The following ZNF625 variants were observed in gnomAD, a reference collection of about 807,000 sequenced individuals.
ZNF625 encodes the protein zinc finger protein 625.
A neutral mutation model predicts 11.1 loss-of-function variants in ZNF625; 8 were observed. The ratio of observed to expected loss-of-function variants is 0.72; its 90% CI spans 0.42 to 1.30. The LOEUF is 1.30. ZNF625 is among the 50% of genes most tolerant of loss of function. The pLI is 0.01. For missense variants in ZNF625, 349 were observed against 447.6 expected, an observed-to-expected ratio of 0.78 and a Z score of 1.99; for synonymous variants, 145 against 153.4, an observed-to-expected ratio of 0.95 and a Z score of 0.41.
intron 1 of ZNF625, among the ~76,000 whole-genome samples, 164 bp from the exon 2 acceptor site, chr19:12,147,966 A>G (rs1313452647): frequency 1.3e-5 from 2 of 152,044 alleles, no homozygotes; most frequent in Non-Finnish European, 2.9e-5. Flanking sequence ...TTCCATAAAG[A>G]AATTCTTTTT....
chr19:12,156,502 C>A, intron 1 of ZNF625, 54 bp downstream of exon 1: 1 of 1,390,318 alleles, frequency 7.2e-7, no homozygotes, highest in Non-Finnish European at 9.4e-7. Flanking sequence ...CCGGTTCGAG[C>A]CGGTTCCTCC....
Position 12,145,838 on chromosome 19 carries a change from C to T in ZNF625, c.578G>A (p.Cys193Tyr), listed in dbSNP as rs1976862773. 1 of 1,614,218 alleles carries T rather than the reference C, an allele frequency of 6.2e-7. No homozygotes were observed. The highest frequency in any genetic ancestry group is 8.5e-7 in the Non-Finnish European group (1 of 1,180,042). Residue 193 changes from cysteine to tyrosine, a missense_variant, in exon 4 of 4, where the codon TGT becomes TAT. Physicochemically the swap from Cys to Tyr is radical, Grantham distance 194. Coordinates refer to ENST00000439556, the MANE Select transcript of ZNF625 (RefSeq NM_145233.4). The part of the protein sequence containing the change: ...IMHSGDGPYK[C>Y]NFCGKALMCL... ...CATCAAGGCTTTCCCACAAAAGTTA[C>T]ATTTGTAGGGTCCATCTCCACTGTG... is the stretch of plus-strand genomic sequence containing the variant.
At chr19:12,147,887 G>A (rs1466985758) in intron 1 of ZNF625, 85 bp from the exon 2 acceptor site, 3 of 1,521,130 alleles carry the variant, frequency 2.0e-6, no homozygotes, top group African/African-American at 1.4e-5. Context: ...AGTTTCCATG[G>A]TGCTATGGAC....
At position 12,156,376 on chromosome 19, in the gene ZNF625, C is replaced by T. The variant is rs893992472; in HGVS notation, c.3+180G>A. 1.8e-3 allele frequency among the ~76,000 whole-genome samples: 280 copies of T among 152,326 alleles called. 1 individual carries two copies. Among genetic ancestry groups the T allele is most frequent in the Non-Finnish European group, 3.1e-3 (214 of 68,022 alleles). Reference sequence around the variant, plus strand: ...GAGACGGGACAGGACGCCTGGGGTCCCGGCTGCCGGCCCAACCCCACCCTG... The same window carrying T: ...GAGACGGGACAGGACGCCTGGGGTCTCGGCTGCCGGCCCAACCCCACCCTG... On this transcript the variant is annotated intron_variant, in intron 1 of 3. Coordinates refer to ENST00000439556, the MANE Select transcript of ZNF625 (RefSeq NM_145233.4).
chr19:12,154,564 G>C lies in ZNF625; in HGVS notation c.3+1992C>G, dbSNP rs371232583. 1.2e-3 allele frequency among the ~76,000 whole-genome samples: 179 copies of C among 152,162 alleles called. 5 individuals are homozygous for C. In the South Asian group the frequency reaches 0.034, roughly 29 times the overall value. ...CCTAGAGTCTGTATTTTCTTGAATG[G>C]CAATTCTCAGATTTTCACTTAAATA... On this transcript the variant is annotated intron_variant, in intron 1 of 3. Coordinates refer to ENST00000439556, the MANE Select transcript of ZNF625 (RefSeq NM_145233.4).
At chr19:12,151,514 G>A (rs1382012125) in intron 1 of ZNF625, among the ~76,000 whole-genome samples, 3 of 151,618 alleles carry the variant, frequency 2.0e-5, no homozygotes, top group Admixed American at 6.6e-5. Context: ...CCGAGTAGCT[G>A]GGACTACAGG....
In ZNF625 at chr19:12,145,428, G is replaced by T. The variant is rs1181977597; in HGVS notation, c.988C>A (p.Pro330Thr). The change falls in exon 4 of 4, where the codon CCC (proline) becomes ACC (threonine). Residue 330 changes from proline to threonine, a missense_variant. Pro to Thr is a conservative substitution (Grantham distance 38, BLOSUM62 -1). Coordinates refer to ENST00000439556, the MANE Select transcript of ZNF625 (RefSeq NM_145233.4). ...TTACCACATTGTTTACATTCATAGG[G>T]TTTCTCTCCAGTGTGAGTCCTTCCA... is the stretch of plus-strand genomic sequence containing the variant. ...THGRTHTGEKPYECKQCGKAF... is the reference protein window; with the variant it reads ...THGRTHTGEKTYECKQCGKAF... The T allele has an allele frequency of 5.6e-6, 9 of 1,614,062 alleles. No homozygotes were observed. The highest frequency in any genetic ancestry group is 1.7e-5 in the Admixed American group (1 of 59,992).
intron 3 of ZNF625, among the ~76,000 whole-genome samples, chr19:12,146,970 ATT>A (rs934558893): frequency 7.6e-6 from 1 of 130,824 alleles, no homozygotes; most frequent in Non-Finnish European, 1.6e-5. Context: ...GTTTTTAGAG[ATT>A]TTTTTTTTTT....
Position 12,156,415 on chromosome 19 carries a change from C to G in ZNF625, c.3+141G>C, listed in dbSNP as rs901463257. 2.2e-4 allele frequency: 133 copies of G among 614,928 alleles called. No homozygotes were observed. In the African/African-American group the frequency reaches 2.3e-3, roughly 11 times the overall value. The allele number at this position is 614,928 out of a possible 1,614,324, so 38.1% of individuals were successfully genotyped here. A position where few individuals can be genotyped will look rare whatever the true frequency, so the allele number is the denominator to read the frequency against. ...AACCCCACCCTGCGGCCGAAGGGACCGAGGGCCGAGCTACGCCAGGGGGAC... is the reference window on the plus strand; with the variant it reads ...AACCCCACCCTGCGGCCGAAGGGACGGAGGGCCGAGCTACGCCAGGGGGAC... On this transcript the variant is annotated intron_variant, in intron 1 of 3. Transcript: ENST00000439556.
Position 12,145,559 on chromosome 19 carries a change from G to C in ZNF625, c.857C>G (p.Ser286Cys). 1 of 1,607,720 alleles carries C rather than the reference G, an allele frequency of 6.2e-7. No homozygotes were observed. Among genetic ancestry groups the C allele is most frequent in the Non-Finnish European group, 8.5e-7 (1 of 1,174,588 alleles). ...ECKQCGKAFV[S>C]FNSVRYHERT... ...TTCATGATATCGAACGGAATTGAAA[G>C]AAACAAAGGCTTTCCCACACTGTTT... is the stretch of plus-strand genomic sequence containing the variant. The change falls in exon 4 of 4, where the codon TCT (serine) becomes TGT (cysteine). Residue 286 changes from serine to cysteine, a missense_variant. Ser to Cys is a moderately radical substitution (Grantham distance 112, BLOSUM62 -1). Transcript: ENST00000439556.
At chr19:12,156,008 C>A (rs1360027457) in intron 1 of ZNF625, among the ~76,000 whole-genome samples, 1 of 152,080 alleles carries the variant, frequency 6.6e-6, no homozygotes, top group Non-Finnish European at 1.5e-5. Flanking sequence ...CGGCACCACG[C>A]CCGGCTCATT....
intron 1 of ZNF625, among the ~76,000 whole-genome samples, chr19:12,153,186 A>G (rs1011104753): frequency 1.3e-5 from 2 of 151,624 alleles, no homozygotes; most frequent in Non-Finnish European, 2.9e-5. Flanking sequence ...ACCCGTCTCT[A>G]CTAAAAATAC....
intron 1 of ZNF625, among the ~76,000 whole-genome samples, chr19:12,153,941 G>A (rs1359464891): frequency 2.0e-5 from 3 of 150,292 alleles, no homozygotes; most frequent in Middle Eastern, 3.3e-3. Context: ...CCGAGTAGCT[G>A]GGACTACAGG....
chr19:12,152,202 C>T (rs942543862), intron 1 of ZNF625, among the ~76,000 whole-genome samples: 5 of 151,984 alleles, frequency 3.3e-5, no homozygotes, highest in African/African-American at 1.2e-4. Context: ...CATAACTAAA[C>T]CATATACTGT....
intron 3 of ZNF625, among the ~76,000 whole-genome samples, chr19:12,146,752 T>C (rs1034723374): frequency 2.0e-5 from 3 of 152,180 alleles, no homozygotes; most frequent in Admixed American, 1.3e-4. Flanking sequence ...TCAGGTAAAC[T>C]ATTTTACAAG....
chr19:12,145,305 T>A lies in ZNF625; in HGVS notation c.1111A>T (p.Ile371Phe). The part of the protein sequence containing the change: ...SNTSKGQGEK[I>F]A Reference sequence around the variant, plus strand: ...TAGGAATCTTATGTGAATTAAGCAATCTTCTCGCCTTGGCCTTTCGAAGTG... The same window carrying A: ...TAGGAATCTTATGTGAATTAAGCAAACTTCTCGCCTTGGCCTTTCGAAGTG... Residue 371 changes from isoleucine (I) to phenylalanine (F), a missense_variant, in exon 4 of 4, where the codon ATT becomes TTT. Ile to Phe is a conservative substitution (Grantham distance 21, BLOSUM62 0). Transcript: ENST00000439556. The A allele has an allele frequency of 6.2e-7, 1 of 1,600,010 alleles. No homozygotes were observed. The highest frequency in any genetic ancestry group is 1.1e-5 in the South Asian group (1 of 89,194).
Position 12,145,461 on chromosome 19 carries a change from G to C in ZNF625, c.955C>G (p.Arg319Gly), listed in dbSNP as rs771178831. 6 of 1,614,104 alleles carry C rather than the reference G, an allele frequency of 3.7e-6. No individual in the cohort carries two copies. The highest frequency in any genetic ancestry group is 5.1e-6 in the Non-Finnish European group (6 of 1,180,036). ...CCAGTGTGAGTCCTTCCATGTGTTCGAAGGTGCGAGGCAGATCTGAAGGCT... is the reference window on the plus strand; with the variant it reads ...CCAGTGTGAGTCCTTCCATGTGTTCCAAGGTGCGAGGCAGATCTGAAGGCT... Reference protein sequence around the residue: ...GKAFRSASHLRTHGRTHTGEK... With the variant: ...GKAFRSASHLGTHGRTHTGEK... Residue 319 changes from arginine to glycine, a missense_variant, in exon 4 of 4, where the codon CGA (arginine) becomes GGA (glycine). Transcript: ENST00000439556.
In ZNF625 at chr19:12,156,491, G is replaced by A. The variant is rs1231954801; in HGVS notation, c.3+65C>T. 27 of 1,346,682 alleles carry A rather than the reference G, an allele frequency of 2.0e-5. 1 individual carries two copies. The highest frequency in any genetic ancestry group is 2.2e-5 in the Non-Finnish European group (23 of 1,035,232). 83.4% of individuals were successfully genotyped at this position (1,346,682 alleles called of 1,614,324 possible). ...GCAGGAAGGCCTGGGTCCTGCTAGA[G>A]CCGGTTCGAGCCGGTTCCTCCCGGC... is the stretch of plus-strand genomic sequence containing the variant. On this transcript the variant is annotated intron_variant, in intron 1 of 3. Coordinates refer to ENST00000439556, the MANE Select transcript of ZNF625 (RefSeq NM_145233.4).
Position 12,147,461 on chromosome 19 carries a change from A to T in ZNF625, c.131-6T>A, listed in dbSNP as rs896742618. On this transcript the variant is annotated splice_region_variant and splice_polypyrimidine_tract_variant and intron_variant, in intron 2 of 3. Coordinates refer to ENST00000439556, the MANE Select transcript of ZNF625 (RefSeq NM_145233.4). ...CTGATCTTTCCATTTTTTTCCTAAAATACAGAACCAGAAAAATAGTCCTGA... is the reference window on the plus strand; with the variant it reads ...CTGATCTTTCCATTTTTTTCCTAAATTACAGAACCAGAAAAATAGTCCTGA... The T allele has an allele frequency of 6.5e-7, 1 of 1,529,296 alleles. No homozygotes were observed. Among genetic ancestry groups the T allele is most frequent in the Non-Finnish European group, 8.7e-7 (1 of 1,143,262 alleles). The allele number at this position is 1,529,296 out of a possible 1,614,324, so 94.7% of individuals were successfully genotyped here.
Sources: gnomAD v4.1 joint callset for allele counts (sites outside exome capture counted in the v4.1 genomes callset) on GRCh38, gnomAD v4.1.1 for gene constraint, MANE v1.5 for transcripts, NCBI Gene and HGNC (gene_info 2026-07-23, HGNC 2026-07-21) for gene names.